FSTL5: variants seen among roughly 807,000 people sequenced by gnomAD.
FSTL5 encodes follistatin like 5, also known as follistatin-related protein 5.
A neutral mutation model predicts 89.1 loss-of-function variants in FSTL5; 62 were observed. That is an observed-to-expected ratio of 0.70 (90% CI 0.57 to 0.86). The LOEUF (loss-of-function observed/expected upper bound fraction) is 0.86, where lower values mean the gene tolerates loss of function less well. Among genes scored for constraint, FSTL5 ranks in the 40% least tolerant of loss-of-function variants. The pLI, the probability that FSTL5 is intolerant of heterozygous loss-of-function variation, is 0.00. For missense variants in FSTL5, 1,057 were observed against 1,001.6 expected, an observed-to-expected ratio of 1.06 and a Z score of -0.75; for synonymous variants, 383 against 346.2, an observed-to-expected ratio of 1.11 and a Z score of -1.18.
intron 8 of FSTL5, among the ~76,000 whole-genome samples, chr4:161,547,038 G>A (rs1732030988): frequency 1.3e-5 from 2 of 152,112 alleles, no homozygotes; most frequent in East Asian, 3.9e-4. Flanking sequence ...TCTTGCTCTT[G>A]CAGAATTCAG....
chr4:161,711,869 A>T (rs1037411007), intron 6 of FSTL5, among the ~76,000 whole-genome samples: 10 of 152,150 alleles, frequency 6.6e-5, no homozygotes, highest in Admixed American at 1.3e-4. Context: ...TAGAACGAAA[A>T]ATAAAAGTAC....
Position 162,144,786 on chromosome 4 carries a change from T to A in FSTL5, c.-17+18829A>T, listed in dbSNP as rs1426553352. Among the ~76,000 whole-genome samples, 6 of 152,154 alleles carry A rather than the reference T, an allele frequency of 3.9e-5. No homozygotes were observed. In the South Asian group the frequency reaches 1.0e-3, roughly 26 times the overall value. ...TATAATGTGGTTCATTAAATTTTTTTAATTTGTTATTTGTTTGGAATTTTC... is the reference window on the plus strand; with the variant it reads ...TATAATGTGGTTCATTAAATTTTTTAAATTTGTTATTTGTTTGGAATTTTC... On this transcript the variant is annotated intron_variant, in intron 1 of 15. Transcript: ENST00000306100.
At chr4:161,876,335 A>G (rs1438670125) in intron 4 of FSTL5, among the ~76,000 whole-genome samples, 5 of 152,226 alleles carry the variant, frequency 3.3e-5, no homozygotes, top group African/African-American at 1.2e-4. Flanking sequence ...AAGAGGAAAC[A>G]TTAAATTATG....
At chr4:161,946,649 A>G (rs994109963) in intron 3 of FSTL5, among the ~76,000 whole-genome samples, 1 of 152,156 alleles carries the variant, frequency 6.6e-6, no homozygotes, top group Admixed American at 6.6e-5. Context: ...TTCTCCTGTT[A>G]ACAATTACTT....
chr4:161,493,632 TA>T (rs140722755), intron 12 of FSTL5, among the ~76,000 whole-genome samples: 4,421 of 152,172 alleles, frequency 0.029, 143 homozygotes, highest in East Asian at 0.14. Flanking sequence ...TTTGTATCAA[TA>T]TTTTTTTCCA....
intron 7 of FSTL5, among the ~76,000 whole-genome samples, chr4:161,640,280 TG>T (rs1462714401): frequency 6.6e-6 from 1 of 152,088 alleles, no homozygotes; most frequent in Non-Finnish European, 1.5e-5. Flanking sequence ...TATGAAGAAA[TG>T]GGAAAGCCTG....
At chr4:161,904,331 T>C (rs1451870584) in intron 4 of FSTL5, among the ~76,000 whole-genome samples, 1 of 152,112 alleles carries the variant, frequency 6.6e-6, no homozygotes, top group African/African-American at 2.4e-5. Context: ...AGAGGATCAT[T>C]ACTTAAAATG....
At chr4:161,659,027 A>G (rs1053402525) in intron 6 of FSTL5, among the ~76,000 whole-genome samples, 3 of 152,296 alleles carry the variant, frequency 2.0e-5, no homozygotes, top group Non-Finnish European at 2.9e-5. Context: ...TGGTAATTAG[A>G]TAATATAATC....
intron 4 of FSTL5, among the ~76,000 whole-genome samples, chr4:161,828,816 T>G (rs80190716): frequency 0.045 from 6,822 of 152,178 alleles, 200 homozygotes; most frequent in Non-Finnish European, 0.069. Context: ...GTACAACACA[T>G]GCTTATTAGT....
chr4:161,916,022 G>A (rs1733828699), intron 4 of FSTL5, among the ~76,000 whole-genome samples: 1 of 151,208 alleles, frequency 6.6e-6, no homozygotes, highest in Non-Finnish European at 1.5e-5. Flanking sequence ...AAAAAAGAAA[G>A]AAGAAAAGAA....
At chr4:161,502,338 G>C (rs554264589) in intron 11 of FSTL5, among the ~76,000 whole-genome samples, 5 of 151,942 alleles carry the variant, frequency 3.3e-5, no homozygotes, top group African/African-American at 9.6e-5. Context: ...TCAGGTTCTA[G>C]AGCATATTTT....
intron 4 of FSTL5, among the ~76,000 whole-genome samples, chr4:161,864,489 A>G (rs1330831921): frequency 6.6e-6 from 1 of 152,200 alleles, no homozygotes; most frequent in Non-Finnish European, 1.5e-5. Context: ...AGATTAAATT[A>G]AAGGCAGTTT....
chr4:161,776,059 G>T lies in FSTL5; in HGVS notation c.425C>A (p.Thr142Asn). 1.3e-6 allele frequency: 2 copies of T among 1,509,214 alleles called. No individual in the cohort carries two copies. The highest frequency in any genetic ancestry group is 1.8e-6 in the Non-Finnish European group (2 of 1,115,142). 93.5% of individuals were successfully genotyped at this position (1,509,214 alleles called of 1,614,324 possible). Residue 142 changes from threonine (T) to asparagine (N), a missense_variant, in exon 5 of 16, where the codon ACT (threonine) becomes AAT (asparagine). By Grantham distance (65) the Thr-to-Asn change is moderately conservative. Around this residue, in one of 3 missense-constraint regions of FSTL5, gnomAD observed 980 missense variants for 903.2 expected, o/e 1.08. Coordinates refer to ENST00000306100, the MANE Select transcript of FSTL5 (RefSeq NM_020116.5). Reference sequence around the variant, plus strand: ...ATTTTTCATCTTGCTGTATTCAGTAGTCTTGCACTTATCTCCTGTAACAAA... The same window carrying T: ...ATTTTTCATCTTGCTGTATTCAGTATTCTTGCACTTATCTCCTGTAACAAA... ...DCFFKGDKCK[T>N]TEYSKMKNML...
At chr4:161,911,229 G>A (rs984323249) in intron 4 of FSTL5, among the ~76,000 whole-genome samples, 2 of 152,052 alleles carry the variant, frequency 1.3e-5, no homozygotes, top group East Asian at 3.9e-4. Context: ...TTTTATGCTA[G>A]AACAATCTGT....
At chr4:161,567,030 T>C (rs1732840657) in intron 8 of FSTL5, among the ~76,000 whole-genome samples, 1 of 152,132 alleles carries the variant, frequency 6.6e-6, no homozygotes, top group Non-Finnish European at 1.5e-5. Flanking sequence ...TATTACATGA[T>C]ACAATAAAGT....
Position 161,383,979 on chromosome 4 carries a change from G to C in FSTL5, c.*1768C>G, listed in dbSNP as rs1730522587. 1 of 152,142 alleles carries C rather than the reference G, an allele frequency of 6.6e-6. No individual in the cohort carries two copies. The highest frequency in any genetic ancestry group is 1.9e-4 in the East Asian group (1 of 5,190). The allele number at this position is 152,142 out of a possible 1,614,324, so 9.4% of individuals were successfully genotyped here. On this transcript the variant is annotated 3_prime_UTR_variant, in exon 16 of 16. Transcript: ENST00000306100. Reference sequence around the variant, plus strand: ...CACATGGTGTAAGCTACAAAAGAAGGATGTATGCGACAGACTTACATGAAA... The same window carrying C: ...CACATGGTGTAAGCTACAAAAGAAGCATGTATGCGACAGACTTACATGAAA...
rs1376526633 is a variant in FSTL5, at chr4:161,992,860, AAATAT to A, written c.160+40760_160+40764del. On this transcript the variant is annotated intron_variant, in intron 3 of 15. Transcript: ENST00000306100. ...GAAACTCCATCTCAAAAAAAAAAAAAAATATATATATATATATATATATATATATA... is the reference window on the plus strand; with the variant it reads ...GAAACTCCATCTCAAAAAAAAAAAAAATATATATATATATATATATATATA... Among the ~76,000 whole-genome samples the A allele has an allele frequency of 2.1e-3, 22 of 10,652 alleles. No individual in the cohort carries two copies. The East Asian group carries it at 0.03, about 14-fold the overall frequency. 7.0% of individuals were successfully genotyped at this position (10,652 alleles called of 152,430 possible). A position where few individuals can be genotyped will look rare whatever the true frequency, so the allele number is the denominator to read the frequency against.
At chr4:161,612,396 T>C (rs1330319703) in intron 7 of FSTL5, among the ~76,000 whole-genome samples, 1 of 152,220 alleles carries the variant, frequency 6.6e-6, no homozygotes, top group Non-Finnish European at 1.5e-5. Context: ...ATAAAGTTAG[T>C]GGCAGTTTAG....
intron 15 of FSTL5, among the ~76,000 whole-genome samples, chr4:161,427,868 C>A (rs1732218152): frequency 6.6e-6 from 1 of 152,110 alleles, no homozygotes; most frequent in South Asian, 2.1e-4. Context: ...CCTACAGGAA[C>A]ACCAAACTGA....
Sources: allele counts gnomAD v4.1 joint callset (sites outside exome capture counted in the v4.1 genomes callset), GRCh38; gene constraint gnomAD v4.1.1; regional missense constraint gnomAD v4.1.1; transcripts MANE v1.5; gene names NCBI Gene and HGNC (gene_info 2026-07-23, HGNC 2026-07-21).